ORC5: variants seen among roughly 807,000 people sequenced by gnomAD.
The protein encoded by ORC5 is protein phosphatase 1, regulatory subunit 117.
A neutral mutation model predicts 58.8 loss-of-function variants in ORC5; 39 were observed. The observed-to-expected ratio is 0.66, with a 90% CI of 0.51 to 0.87. The LOEUF is 0.87. Among genes scored for constraint, ORC5 ranks in the 40% least tolerant of loss-of-function variants. The probability of loss-of-function intolerance (pLI) is 0.00; values close to 1 mark genes in which losing one functional copy is unlikely to be tolerated. For missense variants in ORC5, 493 were observed against 506.3 expected, an observed-to-expected ratio of 0.97 and a Z score of 0.25; for synonymous variants, 218 against 177.6, an observed-to-expected ratio of 1.23 and a Z score of -1.81.
intron 8 of ORC5, among the ~76,000 whole-genome samples, chr7:104,174,278 G>A (rs1225850918): frequency 6.6e-6 from 1 of 152,108 alleles, no homozygotes; most frequent in Non-Finnish European, 1.5e-5. Context: ...TAAATGGTGG[G>A]CACAGCCTAG....
At chr7:104,188,136 C>T (rs1291763497) in intron 6 of ORC5, 115 bp downstream of exon 6, 1 of 961,508 alleles carries the variant, frequency 1.0e-6, no homozygotes, top group Non-Finnish European at 1.4e-6. Context: ...CAGTTTCTAA[C>T]CTATCTCATA....
chr7:104,195,077 A>G, intron 5 of ORC5, 66 bp downstream of exon 5: 1 of 777,656 alleles, frequency 1.3e-6, no homozygotes, highest in Non-Finnish European at 2.1e-6. Context: ...ATGCTAGTTT[A>G]ATCTTTCAAA....
chr7:104,192,662 T>A (rs1799701461), intron 5 of ORC5, among the ~76,000 whole-genome samples: 1 of 151,950 alleles, frequency 6.6e-6, no homozygotes, highest in Admixed American at 6.6e-5. Context: ...TGAAAAAGCA[T>A]AATGGATACC....
chr7:104,205,901 C>T (rs1800069342), intron 1 of ORC5, among the ~76,000 whole-genome samples: 1 of 152,046 alleles, frequency 6.6e-6, no homozygotes, highest in Non-Finnish European at 1.5e-5. Context: ...CCCAGCTACT[C>T]GGAGGCTGAG....
intron 1 of ORC5, among the ~76,000 whole-genome samples, chr7:104,205,463 TC>T (rs1800056189): frequency 6.6e-6 from 1 of 152,146 alleles, no homozygotes; most frequent in African/African-American, 2.4e-5. Flanking sequence ...AAGTTAAGTC[TC>T]TATTAATTAT....
intron 4 of ORC5, 68 bp downstream of exon 4, chr7:104,197,657 T>C (rs934765388): frequency 2.0e-5 from 21 of 1,034,818 alleles, no homozygotes; most frequent in Admixed American, 5.0e-5. Flanking sequence ...AATAGCAAAA[T>C]GAAAAACTTT....
chr7:104,174,243 C>G (rs1799276248), intron 8 of ORC5, among the ~76,000 whole-genome samples: 1 of 152,134 alleles, frequency 6.6e-6, no homozygotes, highest in Admixed American at 6.6e-5. Flanking sequence ...TTCTAAGAAT[C>G]TACAAGAAGC....
chr7:104,203,624 T>C (rs944273970), intron 2 of ORC5, among the ~76,000 whole-genome samples: 6 of 152,166 alleles, frequency 3.9e-5, no homozygotes, highest in Non-Finnish European at 8.8e-5. Flanking sequence ...AACTGGTGAA[T>C]CCAAAAAGGA....
In ORC5 at chr7:104,166,874, C is replaced by T. The variant is rs377574889; in HGVS notation, c.888G>A (p.Ala296=). The change falls in exon 10 of 14, where the codon GCG becomes GCA. Residue 296 remains alanine, a synonymous_variant. Transcript: ENST00000297431. ...AATATGGAAGTTCCACATGAGTATG[C>T]GCTGAGAGGCCTATATAACAAAACA... ...TDPGQLKGLS[A]HTHVELPYYS... 103 of 1,585,884 alleles carry T rather than the reference C, an allele frequency of 6.5e-5. No homozygotes were observed. Among genetic ancestry groups the T allele is most frequent in the Non-Finnish European group, 5.0e-5 (58 of 1,156,920 alleles).
intron 11 of ORC5, among the ~76,000 whole-genome samples, chr7:104,162,836 A>G (rs1799045838): frequency 6.6e-6 from 1 of 152,182 alleles, no homozygotes; most frequent in Admixed American, 6.5e-5. Flanking sequence ...CTCTAGAAAA[A>G]TTCCACTATC....
chr7:104,207,845 G>C lies in ORC5; in HGVS notation c.60C>G (p.Ser20=), dbSNP rs776045440. Residue 20 remains serine, a synonymous_variant, in exon 1 of 14, where the codon TCC becomes TCG. Transcript: ENST00000297431. ...CRESQVSILQ[S]LFGERHHFSF... ...TTAACTACAATACCTCTCCAAACAA[G>C]GACTGCAAGATGGACACTTGAGACT... 1.9e-6 allele frequency: 3 copies of C among 1,613,952 alleles called. No homozygotes were observed. The highest frequency in any genetic ancestry group is 2.5e-6 in the Non-Finnish European group (3 of 1,179,954).
chr7:104,186,378 T>C (rs1799544226), intron 6 of ORC5, among the ~76,000 whole-genome samples: 1 of 152,180 alleles, frequency 6.6e-6, no homozygotes, highest in South Asian at 2.1e-4. Flanking sequence ...GGACTGGTCC[T>C]GGAACCAATC....
chr7:104,136,753 T>TATAA lies in ORC5; in HGVS notation c.1262+27_1262+28insTTAT. On this transcript the variant is annotated intron_variant, in intron 13 of 13. Transcript: ENST00000297431. This position sits in a 1 kb window ranked among gnomAD's most constrained non-coding sequence, Gnocchi z 4.2. The stretch of plus-strand genomic sequence containing the variant: ...AAAACACTAATTTTTATATTTAGTA[T>TATAA]ATCATTACATAATTCAAGACATTTT... 7.3e-7 allele frequency: 1 copy of TATAA among 1,368,128 alleles called. No individual in the cohort carries two copies. Among genetic ancestry groups the TATAA allele is most frequent in the Non-Finnish European group, 1.0e-6 (1 of 957,334 alleles). The allele number at this position is 1,368,128 out of a possible 1,614,324, so 84.7% of individuals were successfully genotyped here. A position where few individuals can be genotyped will look rare whatever the true frequency, so the allele number is the denominator to read the frequency against.
chr7:104,182,571 ACAT>A (rs1181644368), intron 8 of ORC5, among the ~76,000 whole-genome samples: 1 of 152,068 alleles, frequency 6.6e-6, no homozygotes, highest in African/African-American at 2.4e-5. Flanking sequence ...CGGATTGGTT[ACAT>A]AAGGAAATGT....
At position 104,207,949 on chromosome 7, in the gene ORC5, AC is replaced by A. The variant is rs769204637; in HGVS notation, c.-46del. 1 of 1,568,482 alleles carries A rather than the reference AC, an allele frequency of 6.4e-7. No homozygotes were observed. The highest frequency in any genetic ancestry group is 2.2e-5 in the East Asian group (1 of 44,574). ...GAGGCCAGTGCAGCCAGCCCACAGG[AC>A]CCTTGCACAAGACGGAGCCTCTCCC... is the stretch of plus-strand genomic sequence containing the variant. On this transcript the variant is annotated 5_prime_UTR_variant, in exon 1 of 14. Coordinates refer to ENST00000297431, the MANE Select transcript of ORC5 (RefSeq NM_002553.4).
intron 13 of ORC5, among the ~76,000 whole-genome samples, chr7:104,134,579 CATTTTTAT>C (rs1214026388): frequency 1.3e-5 from 2 of 151,944 alleles, no homozygotes; most frequent in Non-Finnish European, 2.9e-5. Flanking sequence ...AGGAAGTCCA[CATTTTTAT>C]AAGAAGTTGG....
At chr7:104,199,198 A>G (rs1487261646) in intron 3 of ORC5, among the ~76,000 whole-genome samples, 1 of 152,038 alleles carries the variant, frequency 6.6e-6, no homozygotes, top group Non-Finnish European at 1.5e-5. Context: ...TGCCTAGTGG[A>G]GCTATGAGAA....
chr7:104,141,322 T>C (rs927911836), intron 12 of ORC5, among the ~76,000 whole-genome samples: 2 of 152,206 alleles, frequency 1.3e-5, no homozygotes, highest in East Asian at 1.9e-4. Flanking sequence ...TGGCTGTCAC[T>C]TAAGGTATTA....
chr7:104,135,830 T>A (rs1798579227), intron 13 of ORC5, among the ~76,000 whole-genome samples: 1 of 152,104 alleles, frequency 6.6e-6, no homozygotes, highest in Non-Finnish European at 1.5e-5. Context: ...CATGACTAAT[T>A]TTTAAAGGGT....
Sources: gnomAD v4.1 joint callset for allele counts (sites outside exome capture counted in the v4.1 genomes callset) on GRCh38, gnomAD v4.1.1 for gene constraint, Gnocchi (gnomAD v3.1) non-coding constraint, MANE v1.5 for transcripts, NCBI Gene and HGNC (gene_info 2026-07-23, HGNC 2026-07-21) for gene names.